Variants in FOXF1 observed in about 807,000 individuals in gnomAD.
The protein encoded by FOXF1 is forkhead box protein F1.
In FOXF1, 9 loss-of-function variants were observed where a neutral mutation model predicts 26.6. That is an observed-to-expected ratio of 0.34 (90% CI 0.20 to 0.59). FOXF1 has a LOEUF of 0.59. Among genes scored for constraint, FOXF1 ranks in the 20% least tolerant of loss-of-function variants. FOXF1 has a pLI of 0.83. For synonymous variants in FOXF1, 330 were observed against 257.7 expected, an observed-to-expected ratio of 1.28 and a Z score of -2.69; for missense variants, 499 against 549.9, an observed-to-expected ratio of 0.91 and a Z score of 0.93.
Position 86,510,981 on chromosome 16 carries a change from C to G in FOXF1, c.412C>G (p.Arg138Gly). 1 of 1,613,374 alleles carries G rather than the reference C, an allele frequency of 6.2e-7. No individual in the cohort carries two copies. The highest frequency in any genetic ancestry group is 8.5e-7 in the Non-Finnish European group (1 of 1,180,018). ...GTTCATGTTCGAGGAGGGCTCCTTTCGGCGGCGGCCGCGCGGCTTCCGAAG... is the reference window on the plus strand; with the variant it reads ...GTTCATGTTCGAGGAGGGCTCCTTTGGGCGGCGGCCGCGCGGCTTCCGAAG... ...SEFMFEEGSF[R>G]RRPRGFRRKC... Residue 138 changes from arginine (R) to glycine (G), a missense_variant, in exon 1 of 2, where the codon CGG becomes GGG. This residue lies in a region of FOXF1 where 36 missense variants were observed against 73.7 expected (regional missense o/e 0.49). Transcript: ENST00000262426.
rs1043593430 is a variant in FOXF1, at chr16:86,511,486, C to T, written c.917C>T (p.Thr306Met). 1 of 1,586,510 alleles carries T rather than the reference C, an allele frequency of 6.3e-7. No homozygotes were observed. The highest frequency in any genetic ancestry group is 8.5e-7 in the Non-Finnish European group (1 of 1,174,774). ...AACCCCCTGTCCGGCAGCCTCTCCA[C>T]GCACTCCCTGGAGCAGCCGTATCTG... ...AANPLSGSLS[T>M]HSLEQPYLHQ... Residue 306 changes from threonine to methionine, a missense_variant, in exon 1 of 2, where the codon ACG (threonine) becomes ATG (methionine). Physicochemically the swap from Thr to Met is moderately conservative, Grantham distance 81 (BLOSUM62 -1). Around this residue, in one of 5 missense-constraint regions of FOXF1, gnomAD observed 367 missense variants for 324.8 expected, o/e 1.13. Coordinates refer to ENST00000262426, the MANE Select transcript of FOXF1 (RefSeq NM_001451.3).
rs1364156627 is a variant in FOXF1 at position 86,511,050 on chromosome 16, C to G, written c.481C>G (p.Leu161Val). ...LKPMYSMMNG[L>V]GFNHLPDTYG... ...GCCCATGTACAGCATGATGAACGGG[C>G]TCGGCTTCAACCACCTCCCGGACAC... The change falls in exon 1 of 2, where the codon CTC becomes GTC. Residue 161 changes from leucine (L) to valine (V), a missense_variant. By Grantham distance (32) the Leu-to-Val change is conservative. Around this residue, in one of 5 missense-constraint regions of FOXF1, gnomAD observed 367 missense variants for 324.8 expected, o/e 1.13. Coordinates refer to ENST00000262426, the MANE Select transcript of FOXF1 (RefSeq NM_001451.3). The G allele has an allele frequency of 1.2e-6, 2 of 1,611,334 alleles. No individual in the cohort carries two copies. Among genetic ancestry groups the G allele is most frequent in the African/African-American group, 2.7e-5 (2 of 74,928 alleles).
rs765587760 is a variant in FOXF1, at chr16:86,510,797, G to A, written c.228G>A (p.Gln76=). ...GCCTGACGCTGAGCGAGATCTACCAGTTCCTGCAGAGCCGCTTCCCCTTCT... is the reference window on the plus strand; with the variant it reads ...GCCTGACGCTGAGCGAGATCTACCAATTCCTGCAGAGCCGCTTCCCCTTCT... ...TKRLTLSEIY[Q]FLQSRFPFFR... is the part of the protein sequence containing the mutation. Residue 76 remains glutamine, a synonymous_variant, in exon 1 of 2, where the codon CAG becomes CAA. Coordinates refer to ENST00000262426, the MANE Select transcript of FOXF1 (RefSeq NM_001451.3). 1 of 1,614,168 alleles carries A rather than the reference G, an allele frequency of 6.2e-7. No homozygotes were observed. The highest frequency in any genetic ancestry group is 8.5e-7 in the Non-Finnish European group (1 of 1,180,028).
chr16:86,514,500 C>T lies in FOXF1; in HGVS notation c.*1415C>T, dbSNP rs1021206773. ...GATTGTAGAATACCTTCCAGACTCC[C>T]AAAGATAGAGGGGGGAAAAAAGAAA... is the stretch of plus-strand genomic sequence containing the variant. On this transcript the variant is annotated 3_prime_UTR_variant, in exon 2 of 2. Transcript: ENST00000262426. 1 of 152,000 alleles carries T rather than the reference C, an allele frequency of 6.6e-6. No homozygotes were observed. Among genetic ancestry groups the T allele is most frequent in the Non-Finnish European group, 1.5e-5 (1 of 68,002 alleles). 9.4% of individuals were successfully genotyped at this position (152,000 alleles called of 1,614,324 possible).
Position 86,511,404 on chromosome 16 carries a change from A to C in FOXF1, c.835A>C (p.Asn279His), listed in dbSNP as rs1165934928. ...GCCGCCCTCGGCGTCCGCGGCGCTC[A>C]ACAGCGGCGCCTCTTATATCAAGCA... The part of the protein sequence containing the change: ...AWPPSASAAL[N>H]SGASYIKQQP... The change falls in exon 1 of 2, where the codon AAC becomes CAC. Residue 279 changes from asparagine (N) to histidine (H), a missense_variant. Physicochemically the swap from Asn to His is moderately conservative, Grantham distance 68. Around this residue, in one of 5 missense-constraint regions of FOXF1, gnomAD observed 367 missense variants for 324.8 expected, o/e 1.13. Coordinates refer to ENST00000262426, the MANE Select transcript of FOXF1 (RefSeq NM_001451.3). 1.9e-6 allele frequency: 3 copies of C among 1,591,340 alleles called. No homozygotes were observed. Among genetic ancestry groups the C allele is most frequent in the East Asian group, 4.5e-5 (2 of 44,498 alleles).
At position 86,511,442 on chromosome 16, in the gene FOXF1, C is replaced by T. The variant is rs61753347; in HGVS notation, c.873C>T (p.Ser291=). 2.8e-3 allele frequency: 4,401 copies of T among 1,594,814 alleles called. 105 individuals are homozygous for T. The African/African-American group carries it at 0.051, about 18-fold the overall frequency. Residue 291 remains serine, a synonymous_variant, in exon 1 of 2, where the codon TCC becomes TCT. Coordinates refer to ENST00000262426, the MANE Select transcript of FOXF1 (RefSeq NM_001451.3). The part of the protein sequence containing the change: ...GASYIKQQPL[S]PCNPAANPLS... ...CTTATATCAAGCAGCAGCCCCTGTC[C>T]CCCTGTAACCCCGCGGCCAACCCCC...
At chr16:86,511,781 C>T (rs1253927298) in intron 1 of FOXF1, among the ~76,000 whole-genome samples, 1 of 152,232 alleles carries the variant, frequency 6.6e-6, no homozygotes, top group Non-Finnish European at 1.5e-5. Flanking sequence ...CTCCAGCTGC[C>T]AGCTGCTCCA....
rs771862086 is a variant in FOXF1 at position 86,511,563 on chromosome 16, C to T, written c.979+15C>T. The T allele has an allele frequency of 4.4e-6, 7 of 1,574,068 alleles. No individual in the cohort carries two copies. Among genetic ancestry groups the T allele is most frequent in the Middle Eastern group, 1.7e-4 (1 of 6,002 alleles). The stretch of plus-strand genomic sequence containing the variant: ...CGAGCTGCAAGGTGAGTGGGGAGGC[C>T]GAGGGCGCCCTGGTCCCCGGGAAGT... On this transcript the variant is annotated intron_variant, in intron 1 of 1. Coordinates refer to ENST00000262426, the MANE Select transcript of FOXF1 (RefSeq NM_001451.3).
In FOXF1 at chr16:86,510,687, A is replaced by C. The variant is rs1275395762; in HGVS notation, c.118A>C (p.Asn40His). 6.2e-7 allele frequency: 1 copy of C among 1,612,448 alleles called. No individual in the cohort carries two copies. Among genetic ancestry groups the C allele is most frequent in the African/African-American group, 1.3e-5 (1 of 74,834 alleles). Residue 40 changes from asparagine to histidine, a missense_variant, in exon 1 of 2, where the codon AAC becomes CAC. By Grantham distance (68) the Asn-to-His change is moderately conservative. Transcript: ENST00000262426. The part of the protein sequence containing the change: ...SSGPSKAKKT[N>H]AGIRRPEKPP... The stretch of plus-strand genomic sequence containing the variant: ...CGGCCCGTCCAAGGCCAAGAAGACC[A>C]ACGCCGGCATCCGGCGCCCGGAGAA...
Position 86,511,526 on chromosome 16 carries a change from C to T in FOXF1, c.957C>T (p.His319=). 1 of 1,587,456 alleles carries T rather than the reference C, an allele frequency of 6.3e-7. No homozygotes were observed. The highest frequency in any genetic ancestry group is 8.5e-7 in the Non-Finnish European group (1 of 1,175,266). Residue 319 remains histidine (H), a synonymous_variant, in exon 1 of 2, where the codon CAC becomes CAT. Coordinates refer to ENST00000262426, the MANE Select transcript of FOXF1 (RefSeq NM_001451.3). ...LEQPYLHQNS[H]NAPAELQGIP... ...AGCCGTATCTGCACCAGAACAGCCA[C>T]AACGCCCCAGCCGAGCTGCAAGGTG... is the stretch of plus-strand genomic sequence containing the variant.
chr16:86,512,211 C>T (rs1274123653), intron 1 of FOXF1, among the ~76,000 whole-genome samples: 1 of 152,166 alleles, frequency 6.6e-6, no homozygotes, highest in African/African-American at 2.4e-5. Context: ...GTCCCCACAC[C>T]CCCAACACCC....
In FOXF1 at chr16:86,510,552, G is replaced by A. The variant is rs968203815; in HGVS notation, c.-18G>A. ...GCAGAGCAGCGGCGGCAGCGGCGGCGGCGGCAGCAGCCACCCGATGTCTTC... is the reference window on the plus strand; with the variant it reads ...GCAGAGCAGCGGCGGCAGCGGCGGCAGCGGCAGCAGCCACCCGATGTCTTC... On this transcript the variant is annotated 5_prime_UTR_variant, in exon 1 of 2. Coordinates refer to ENST00000262426, the MANE Select transcript of FOXF1 (RefSeq NM_001451.3). 1.5e-6 allele frequency: 2 copies of A among 1,307,312 alleles called. No individual in the cohort carries two copies. Among genetic ancestry groups the A allele is most frequent in the Non-Finnish European group, 1.9e-6 (2 of 1,032,026 alleles). The allele number at this position is 1,307,312 out of a possible 1,614,324, so 81.0% of individuals were successfully genotyped here.
Position 86,512,884 on chromosome 16 carries a change from T to C in FOXF1, c.980-41T>C, listed in dbSNP as rs753850978. ...TGAACTCTGAGCCACCGTGGCTAAC[T>C]CTTCTGCTCCCCCAACCCCTCCTGT... On this transcript the variant is annotated intron_variant, in intron 1 of 1. Coordinates refer to ENST00000262426, the MANE Select transcript of FOXF1 (RefSeq NM_001451.3). 3 of 1,612,504 alleles carry C rather than the reference T, an allele frequency of 1.9e-6. No individual in the cohort carries two copies. In the South Asian group the frequency reaches 3.3e-5, roughly 18 times the overall value.
At position 86,513,010 on chromosome 16, in the gene FOXF1, C is replaced by T; in HGVS notation, c.1065C>T (p.Ser355=). 6.2e-7 allele frequency: 1 copy of T among 1,614,094 alleles called. No homozygotes were observed. The highest frequency in any genetic ancestry group is 8.5e-7 in the Non-Finnish European group (1 of 1,180,038). Reference sequence around the variant, plus strand: ...CTTTCAACGCCATGGCGTCCTCTTCCATGCACTCGGCCGGCGGGGGCTCCT... The same window carrying T: ...CTTTCAACGCCATGGCGTCCTCTTCTATGCACTCGGCCGGCGGGGGCTCCT... The part of the protein sequence containing the change: ...VFSFNAMASS[S]MHSAGGGSYY... Residue 355 remains serine, a synonymous_variant, in exon 2 of 2, where the codon TCC becomes TCT. Coordinates refer to ENST00000262426, the MANE Select transcript of FOXF1 (RefSeq NM_001451.3).
Position 86,513,015 on chromosome 16 carries a change from A to T in FOXF1, c.1070A>T (p.His357Leu). ...SFNAMASSSM[H>L]SAGGGSYYHQ... ...AACGCCATGGCGTCCTCTTCCATGC[A>T]CTCGGCCGGCGGGGGCTCCTACTAC... The change falls in exon 2 of 2, where the codon CAC (histidine) becomes CTC (leucine). Residue 357 changes from histidine to leucine, a missense_variant. This residue lies in a region of FOXF1 where 367 missense variants were observed against 324.8 expected (regional missense o/e 1.13). Transcript: ENST00000262426. 2 of 1,613,812 alleles carry T rather than the reference A, an allele frequency of 1.2e-6. No homozygotes were observed. The highest frequency in any genetic ancestry group is 1.7e-6 in the Non-Finnish European group (2 of 1,180,016).
In FOXF1 at chr16:86,514,540, T is replaced by A. The variant is rs1345361833; in HGVS notation, c.*1455T>A. ...GAAAAAAGAAAAAACAGGCTTTGGA[T>A]CTCTAGACGCTTAAAAATTTACAAT... On this transcript the variant is annotated 3_prime_UTR_variant, in exon 2 of 2. Transcript: ENST00000262426. 9 of 152,170 alleles carry A rather than the reference T, an allele frequency of 5.9e-5. No homozygotes were observed. Among genetic ancestry groups the A allele is most frequent in the Non-Finnish European group, 1.5e-5 (1 of 68,044 alleles). 9.4% of individuals were successfully genotyped at this position (152,170 alleles called of 1,614,324 possible).
At chr16:86,512,206 C>T (rs2143189282) in intron 1 of FOXF1, among the ~76,000 whole-genome samples, 1 of 152,312 alleles carries the variant, frequency 6.6e-6, no homozygotes, top group Admixed American at 6.5e-5. Context: ...TTCAGGTCCC[C>T]ACACCCCCAA....
At position 86,510,626 on chromosome 16, in the gene FOXF1, CGGG is replaced by C. The variant is rs757668134; in HGVS notation, c.60_62del (p.Gly23del). 9.3e-4 allele frequency: 1,290 copies of C among 1,392,804 alleles called. 1 individual carries two copies. Among genetic ancestry groups the C allele is most frequent in the Non-Finnish European group, 1.1e-3 (1,240 of 1,081,498 alleles). 86.3% of individuals were successfully genotyped at this position (1,392,804 alleles called of 1,614,324 possible). The stretch of plus-strand genomic sequence containing the variant: ...CGCACGGCGGCGGCGGCGGCGGCGG[CGGG>C]GGAGGCGGCGCGGCCATGGACCCCG... On this transcript the variant is annotated inframe_deletion, in exon 1 of 2. Transcript: ENST00000262426.
At chr16:86,512,838 C>T (rs902509401) in intron 1 of FOXF1, 87 bp from the exon 2 acceptor site, 34 of 1,504,142 alleles carry the variant, frequency 2.3e-5, no homozygotes, top group Admixed American at 1.2e-4. Context: ...GTGCGCCCCA[C>T]GGGAGCACTG....
Sources: allele counts gnomAD v4.1 joint callset (sites outside exome capture counted in the v4.1 genomes callset), GRCh38; gene constraint gnomAD v4.1.1; regional missense constraint gnomAD v4.1.1; transcripts MANE v1.5; gene names NCBI Gene and HGNC (gene_info 2026-07-23, HGNC 2026-07-21).